FBXW7: variants seen among roughly 807,000 people sequenced by gnomAD.
FBXW7 encodes the protein F-box and WD repeat domain containing 7, also known as F-box/WD repeat-containing protein 7.
Under a neutral mutation model 86.3 loss-of-function variants are expected in FBXW7, and 11 were observed. The observed-to-expected ratio is 0.13, with a 90% CI of 0.08 to 0.21. The LOEUF (loss-of-function observed/expected upper bound fraction) is 0.21, where lower values mean the gene tolerates loss of function less well. FBXW7 is among the 10% of genes least tolerant of loss of function. The pLI is 1.00. For synonymous variants in FBXW7, 313 were observed against 297.9 expected (o/e 1.05, Z -0.52); for missense variants, 488 against 847.4 (o/e 0.58, Z 5.27).
chr4:152,378,420 C>T, intron 4 of FBXW7, among the ~76,000 whole-genome samples: 1 of 152,128 alleles, frequency 6.6e-6, no homozygotes, highest in East Asian at 1.9e-4. Flanking sequence ...ATCCTTTCCA[C>T]CAAAGCTCTA....
rs530759591 is a variant in FBXW7, at chr4:152,446,789, G to A, written c.-119-34260C>T. Among the ~76,000 whole-genome samples, 8 of 152,266 alleles carry A rather than the reference G, an allele frequency of 5.3e-5. No homozygotes were observed. The South Asian group carries it at 1.7e-3, about 32-fold the overall frequency. ...TCATGAAAAGAAGCTGTCATAGACG[G>A]CACTCCAGTAAAACATATCCATGAT... On this transcript the variant is annotated intron_variant, in intron 2 of 13. Coordinates refer to ENST00000281708, the MANE Select transcript of FBXW7 (RefSeq NM_001349798.2).
chr4:152,502,660 C>T (rs1025505289), intron 2 of FBXW7, among the ~76,000 whole-genome samples: 1 of 151,818 alleles, frequency 6.6e-6, no homozygotes, highest in East Asian at 1.9e-4. Flanking sequence ...TACAGCAATA[C>T]ACAATCAAGT....
chr4:152,409,978 A>C (rs1737786672), intron 4 of FBXW7, among the ~76,000 whole-genome samples: 2 of 152,212 alleles, frequency 1.3e-5, no homozygotes, highest in Admixed American at 6.6e-5. Context: ...GGTAAAGAAA[A>C]GATAAAGCAC....
intron 4 of FBXW7, among the ~76,000 whole-genome samples, chr4:152,370,841 TG>T (rs1210471965): frequency 6.6e-6 from 1 of 151,180 alleles, no homozygotes; most frequent in Non-Finnish European, 1.5e-5. Flanking sequence ...AAAGACTCAC[TG>T]CTTCCCCCAT....
rs138126011 is a variant in FBXW7 at position 152,533,613 on chromosome 4, G to A, written c.-120+1328C>T. ...TAAGACAACAGTTGGAGAAACTGAT[G>A]GTAGAAATAATGAAAGTCCATAAAA... On this transcript the variant is annotated intron_variant, in intron 2 of 13. Transcript: ENST00000281708. Among the ~76,000 whole-genome samples, 628 of 152,276 alleles carry A rather than the reference G, an allele frequency of 4.1e-3. 8 individuals carry two copies. Among genetic ancestry groups the A allele is most frequent in the Non-Finnish European group, 4.5e-3 (303 of 68,020 alleles).
At chr4:152,439,865 CAA>C (rs35657415) in intron 2 of FBXW7, among the ~76,000 whole-genome samples, 13 of 57,152 alleles carry the variant, frequency 2.3e-4, no homozygotes, top group East Asian at 1.6e-3. Context: ...GACTCCGTCA[CAA>C]AAAAAAAAAA....
chr4:152,533,940 C>T (rs796493553), intron 2 of FBXW7, among the ~76,000 whole-genome samples: 14 of 152,280 alleles, frequency 9.2e-5, no homozygotes, highest in African/African-American at 3.4e-4. Context: ...AGAACGAGCC[C>T]ACAGTTGTCT....
intron 12 of FBXW7, chr4:152,324,748 G>A: frequency 4.7e-6 from 1 of 213,930 alleles, no homozygotes; most frequent in Non-Finnish European, 9.4e-6. Flanking sequence ...GAATTGCTAT[G>A]AGTTTTACTT....
chr4:152,493,403 G>A (rs1746042431), intron 2 of FBXW7, among the ~76,000 whole-genome samples: 1 of 152,112 alleles, frequency 6.6e-6, no homozygotes, highest in Non-Finnish European at 1.5e-5. Flanking sequence ...GACCTCAGGT[G>A]ATCCACCCGC....
chr4:152,369,542 A>G (rs978033018), intron 4 of FBXW7, among the ~76,000 whole-genome samples: 1 of 152,034 alleles, frequency 6.6e-6, no homozygotes. Flanking sequence ...AAGTCGGGGG[A>G]AAAGTTACTA....
At chr4:152,442,757 G>A (rs576770691) in intron 2 of FBXW7, among the ~76,000 whole-genome samples, 1 of 152,162 alleles carries the variant, frequency 6.6e-6, no homozygotes, top group Non-Finnish European at 1.5e-5. Context: ...CCCAAGTTAT[G>A]AACACTTAAA....
chr4:152,408,805 A>G (rs948546182), intron 4 of FBXW7, among the ~76,000 whole-genome samples: 1 of 152,194 alleles, frequency 6.6e-6, no homozygotes, highest in African/African-American at 2.4e-5. Context: ...ATCTCTCATC[A>G]CGTAGTGTAA....
intron 2 of FBXW7, among the ~76,000 whole-genome samples, chr4:152,477,498 T>C (rs982241450): frequency 6.6e-6 from 1 of 152,004 alleles, no homozygotes; most frequent in African/African-American, 2.4e-5. Context: ...GAGAATCCGG[T>C]AGAAGTATTT....
chr4:152,407,612 C>A (rs1031141879), intron 4 of FBXW7, among the ~76,000 whole-genome samples: 2 of 152,172 alleles, frequency 1.3e-5, no homozygotes, highest in African/African-American at 4.8e-5. Flanking sequence ...GGACCAGATA[C>A]CCTGATTGGT....
chr4:152,472,624 T>A (rs1305226799), intron 2 of FBXW7, among the ~76,000 whole-genome samples: 3 of 152,170 alleles, frequency 2.0e-5, no homozygotes, highest in African/African-American at 7.2e-5. Context: ...GTCAGAATAT[T>A]AATTACCTTT....
chr4:152,325,090 A>T (rs192269560), intron 12 of FBXW7: 8 of 147,160 alleles, frequency 5.4e-5, no homozygotes, highest in Non-Finnish European at 7.7e-5. Context: ...TCTCAATCAA[A>T]CAGTTTATTT....
At chr4:152,356,695 T>C (rs976648020) in intron 4 of FBXW7, among the ~76,000 whole-genome samples, 1 of 152,236 alleles carries the variant, frequency 6.6e-6, no homozygotes. Flanking sequence ...TCACTGTCAT[T>C]AACTTTCTGG....
At chr4:152,511,024 A>C (rs562507536) in intron 2 of FBXW7, among the ~76,000 whole-genome samples, 58 of 151,854 alleles carry the variant, frequency 3.8e-4, no homozygotes, top group African/African-American at 1.3e-3. Context: ...CTGAAGCCTC[A>C]AACACCACGG....
At chr4:152,467,413 T>C (rs2149644556) in intron 2 of FBXW7, among the ~76,000 whole-genome samples, 1 of 152,304 alleles carries the variant, frequency 6.6e-6, no homozygotes, top group Non-Finnish European at 1.5e-5. Context: ...CTTTCCTTTA[T>C]AAACTACCCA....
Sources: allele counts gnomAD v4.1 joint callset (sites outside exome capture counted in the v4.1 genomes callset), GRCh38; gene constraint gnomAD v4.1.1; transcripts MANE v1.5; gene names NCBI Gene and HGNC (gene_info 2026-07-23, HGNC 2026-07-21).